Variants in SYT6 observed in about 807,000 individuals in gnomAD.
SYT6 encodes synaptotagmin-6.
SYT6 carries 24 observed loss-of-function variants against 38.4 expected under a neutral mutation model. That is an observed-to-expected ratio of 0.62 (90% CI 0.45 to 0.88). SYT6 has a LOEUF of 0.88. Ranked by LOEUF, SYT6 falls within the 40% of genes least tolerant of loss-of-function variation. The pLI is 0.00. For synonymous variants in SYT6, 265 were observed against 241.9 expected, an observed-to-expected ratio of 1.10 and a Z score of -0.89; for missense variants, 611 against 621.0, an observed-to-expected ratio of 0.98 and a Z score of 0.17.
intron 1 of SYT6, among the ~76,000 whole-genome samples, chr1:114,151,083 T>C (rs891215347): frequency 2.6e-5 from 4 of 152,202 alleles, no homozygotes; most frequent in African/African-American, 9.7e-5. Context: ...TCTAGCATTG[T>C]GCTGGTTGGA....
At chr1:114,095,762 G>A (rs954994102) in intron 6 of SYT6, among the ~76,000 whole-genome samples, 3 of 151,846 alleles carry the variant, frequency 2.0e-5, no homozygotes, top group Admixed American at 6.6e-5. Context: ...CCGGGTTCAC[G>A]CCATTCTCCT....
chr1:114,128,189 C>T (rs1263364013), intron 3 of SYT6, among the ~76,000 whole-genome samples: 6 of 152,230 alleles, frequency 3.9e-5, no homozygotes, highest in African/African-American at 9.6e-5. Context: ...CTGGGGCTTC[C>T]GTGTAACCCT....
At chr1:114,146,505 T>C (rs1679161886) in intron 1 of SYT6, among the ~76,000 whole-genome samples, 1 of 152,216 alleles carries the variant, frequency 6.6e-6, no homozygotes, top group Non-Finnish European at 1.5e-5. Flanking sequence ...CACATCTTGT[T>C]TGAACTTTGA....
At chr1:114,144,447 G>A (rs1347715306) in intron 1 of SYT6, among the ~76,000 whole-genome samples, 1 of 152,144 alleles carries the variant, frequency 6.6e-6, no homozygotes. Flanking sequence ...CTGGACTAGG[G>A]TCCAGATGTC....
At chr1:114,126,131 T>C in intron 3 of SYT6, among the ~76,000 whole-genome samples, 1 of 152,106 alleles carries the variant, frequency 6.6e-6, no homozygotes, top group Non-Finnish European at 1.5e-5. Flanking sequence ...TCATGAGACC[T>C]GATTTGGAGC....
In SYT6 at chr1:114,144,531, C is replaced by T. The variant is rs375710651; in HGVS notation, c.164-4568G>A. Among the ~76,000 whole-genome samples the T allele has an allele frequency of 6.7e-4, 102 of 152,260 alleles. 2 individuals carry two copies. In the South Asian group the frequency reaches 0.021, roughly 31 times the overall value. On this transcript the variant is annotated intron_variant, in intron 1 of 7. Transcript: ENST00000610222. Reference sequence around the variant, plus strand: ...GGTTAAACTGTAGGCTACTATGACACGTGTTTTTCCTCTTTGTCTGATTCA... The same window carrying T: ...GGTTAAACTGTAGGCTACTATGACATGTGTTTTTCCTCTTTGTCTGATTCA...
At chr1:114,124,094 C>A (rs1350370636) in intron 3 of SYT6, among the ~76,000 whole-genome samples, 1 of 152,182 alleles carries the variant, frequency 6.6e-6, no homozygotes, top group Admixed American at 6.5e-5. Flanking sequence ...CAACTCCACC[C>A]AAGCCCTAAG....
intron 1 of SYT6, among the ~76,000 whole-genome samples, chr1:114,146,928 AG>A (rs1373648094): frequency 6.6e-6 from 1 of 152,246 alleles, no homozygotes; most frequent in African/African-American, 2.4e-5. Context: ...TGTTGAGGAT[AG>A]TGCCTAAGAT....
chr1:114,105,099 T>C (rs922249889), intron 3 of SYT6, among the ~76,000 whole-genome samples: 1 of 151,904 alleles, frequency 6.6e-6, no homozygotes, highest in African/African-American at 2.4e-5. Flanking sequence ...ATAAGTTAGA[T>C]AGTCAAAAGT....
intron 4 of SYT6, among the ~76,000 whole-genome samples, chr1:114,099,845 A>G (rs1201029841): frequency 6.6e-6 from 1 of 152,124 alleles, no homozygotes; most frequent in Non-Finnish European, 1.5e-5. Context: ...TTTGGGTCCC[A>G]TTGTCTCAAT....
intron 3 of SYT6, among the ~76,000 whole-genome samples, chr1:114,106,757 G>C (rs545537328): frequency 6.6e-6 from 1 of 152,042 alleles, no homozygotes; most frequent in African/African-American, 2.4e-5. Flanking sequence ...CCCACAGTAA[G>C]CATCTCTCCC....
intron 1 of SYT6, among the ~76,000 whole-genome samples, chr1:114,150,150 C>T (rs1350161838): frequency 2.0e-5 from 3 of 152,118 alleles, no homozygotes; most frequent in Admixed American, 2.0e-4. Context: ...ATGTTATACC[C>T]CTAACTCTGT....
At position 114,099,153 on chromosome 1, in the gene SYT6, G is replaced by A; in HGVS notation, c.1305C>T (p.Asp435=). ...NPVYNEAIIF[D]IPPENMDQVS... ...CTTGATCCATGTTTTCCGGGGGAATGTCAAAGATGATGGCCTCATTGTAGA... is the reference window on the plus strand; with the variant it reads ...CTTGATCCATGTTTTCCGGGGGAATATCAAAGATGATGGCCTCATTGTAGA... The change falls in exon 5 of 8, where the codon GAC becomes GAT. Residue 435 remains aspartate, a synonymous_variant. Transcript: ENST00000610222. 1 of 1,614,116 alleles carries A rather than the reference G, an allele frequency of 6.2e-7. No homozygotes were observed. Among genetic ancestry groups the A allele is most frequent in the Non-Finnish European group, 8.5e-7 (1 of 1,179,986 alleles).
intron 3 of SYT6, among the ~76,000 whole-genome samples, chr1:114,124,106 A>C (rs2101048221): frequency 6.6e-6 from 1 of 152,318 alleles, no homozygotes; most frequent in East Asian, 1.9e-4. Context: ...AGCCCTAAGG[A>C]GGGGCCTCTC....
chr1:114,129,566 T>TC (rs202148576), intron 3 of SYT6, among the ~76,000 whole-genome samples: 6 of 74,100 alleles, frequency 8.1e-5, no homozygotes, highest in African/African-American at 2.9e-4. Flanking sequence ...TTTCTTTCTT[T>TC]TCTTTCTTTC....
chr1:114,111,535 G>T (rs1676676909), intron 3 of SYT6, among the ~76,000 whole-genome samples: 1 of 152,074 alleles, frequency 6.6e-6, no homozygotes, highest in Non-Finnish European at 1.5e-5. Flanking sequence ...TCTACCACCT[G>T]AAATAACCTC....
rs140745807 is a variant in SYT6, at chr1:114,130,270, T to C, written c.1071+7225A>G. 3.9e-3 allele frequency among the ~76,000 whole-genome samples: 598 copies of C among 152,194 alleles called. 5 individuals are homozygous for C. The highest frequency in any genetic ancestry group is 0.014 in the African/African-American group (573 of 41,544). ...CTATTTATCTTAGTCATTTGCCTTC[T>C]TCCACTAGAGCATAAGCTCCACAAG... On this transcript the variant is annotated intron_variant, in intron 3 of 7. Coordinates refer to ENST00000610222, the MANE Select transcript of SYT6 (RefSeq NM_001253772.2).
At chr1:114,105,693 C>T (rs1247110717) in intron 3 of SYT6, among the ~76,000 whole-genome samples, 1 of 152,150 alleles carries the variant, frequency 6.6e-6, no homozygotes, top group Non-Finnish European at 1.5e-5. Context: ...TTGGCATTTT[C>T]CCCTCCATTT....
At chr1:114,101,992 T>C (rs1393167535) in intron 4 of SYT6, among the ~76,000 whole-genome samples, 1 of 152,124 alleles carries the variant, frequency 6.6e-6, no homozygotes, top group Non-Finnish European at 1.5e-5. Flanking sequence ...GGGGCAATTG[T>C]GAAAGGGAGG....
Sources: gnomAD v4.1 joint callset for allele counts (sites outside exome capture counted in the v4.1 genomes callset) on GRCh38, gnomAD v4.1.1 for gene constraint, MANE v1.5 for transcripts, NCBI Gene and HGNC (gene_info 2026-07-23, HGNC 2026-07-21) for gene names.